The following DRC11 variants were observed in gnomAD, a reference collection of about 807,000 sequenced individuals.
DRC11 encodes the protein IQ and AAA domain-containing protein 1.
chr2:236,389,953 G>A, the DRC11 span, among the ~76,000 whole-genome samples: 1 of 152,184 alleles, frequency 6.6e-6, no homozygotes. Flanking sequence ...AGAAGAATGT[G>A]TATTCTGGTG....
At chr2:236,352,921 T>TG in the DRC11 span, among the ~76,000 whole-genome samples, 3 of 152,178 alleles carry the variant, frequency 2.0e-5, no homozygotes, top group African/African-American at 7.2e-5. This position sits in a 1 kb window ranked among gnomAD's most constrained non-coding sequence, Gnocchi z 7.0. Flanking sequence ...TGGAGGGGCC[T>TG]GGACATTCTG....
the DRC11 span, among the ~76,000 whole-genome samples, chr2:236,485,446 T>C: frequency 5.3e-4 from 80 of 152,256 alleles, no homozygotes; most frequent in African/African-American, 1.9e-3. Flanking sequence ...GGGCACTGGA[T>C]GGGGGTATCA....
the DRC11 span, among the ~76,000 whole-genome samples, chr2:236,502,548 C>CAAAAAAAAAAAAA: frequency 3.2e-3 from 49 of 15,084 alleles, 3 homozygotes; most frequent in African/African-American, 5.3e-3. Flanking sequence ...TGCACTCCAG[C>CAAAAAAAAAAAAA]AAAAAAAAAA....
chr2:236,338,014 A>G, the DRC11 span, among the ~76,000 whole-genome samples: 1 of 152,256 alleles, frequency 6.6e-6, no homozygotes, highest in Non-Finnish European at 1.5e-5. Context: ...TGCTAAGAAC[A>G]GAACGTGACC....
chr2:236,358,385 G>GA, the DRC11 span, among the ~76,000 whole-genome samples: 1 of 128,076 alleles, frequency 7.8e-6, no homozygotes, highest in African/African-American at 2.9e-5. Flanking sequence ...ATATATTTAT[G>GA]ATATATGAAT....
the DRC11 span, among the ~76,000 whole-genome samples, chr2:236,428,005 G>A: frequency 5.1e-4 from 78 of 152,080 alleles, no homozygotes; most frequent in Non-Finnish European, 9.4e-4. Context: ...GGTTGTTTAG[G>A]AGCATGTTGT....
chr2:236,416,755 A>ATATATT, the DRC11 span, among the ~76,000 whole-genome samples: 1 of 81,982 alleles, frequency 1.2e-5, no homozygotes, highest in Non-Finnish European at 2.5e-5. Flanking sequence ...ATATATATAT[A>ATATATT]TATATATATA....
chr2:236,342,759 G>A, the DRC11 span, among the ~76,000 whole-genome samples: 17 of 152,320 alleles, frequency 1.1e-4, no homozygotes, highest in Middle Eastern at 3.4e-3. The surrounding 1 kb of genome is among the most constrained non-coding windows in gnomAD (Gnocchi z 5.8). Context: ...CATGCCTCTT[G>A]CAGCTCTGAG....
At chr2:236,356,911 A>ATT in the DRC11 span, among the ~76,000 whole-genome samples, 2 of 82,864 alleles carry the variant, frequency 2.4e-5, no homozygotes, top group Non-Finnish European at 4.5e-5. Context: ...ATATTTATAT[A>ATT]TTATATATAT....
At chr2:236,394,621 GA>G in the DRC11 span, among the ~76,000 whole-genome samples, 3,315 of 137,506 alleles carry the variant, frequency 0.024, 116 homozygotes, top group East Asian at 0.16. This position sits in a 1 kb window ranked among gnomAD's most constrained non-coding sequence, Gnocchi z 7.0. Context: ...GTCTCAAAAA[GA>G]AAAAAAAAAA....
the DRC11 span, chr2:236,324,040 A>G: frequency 6.6e-6 from 1 of 152,332 alleles, no homozygotes; most frequent in African/African-American, 2.4e-5. The surrounding 1 kb of genome is among the most constrained non-coding windows in gnomAD (Gnocchi z 5.7). Flanking sequence ...CCAGGCTTCA[A>G]TATTAGCAGT....
the DRC11 span, among the ~76,000 whole-genome samples, chr2:236,488,884 A>G: frequency 2.0e-5 from 3 of 152,088 alleles, no homozygotes; most frequent in Non-Finnish European, 4.4e-5. Flanking sequence ...GGACAAGAAC[A>G]AAGGGCTCCG....
chr2:236,432,813 G>A, the DRC11 span, among the ~76,000 whole-genome samples: 1 of 151,962 alleles, frequency 6.6e-6, no homozygotes, highest in Admixed American at 6.6e-5. Flanking sequence ...TTCTGGGTTT[G>A]TATCATAATT....
the DRC11 span, among the ~76,000 whole-genome samples, chr2:236,341,728 C>G: frequency 2.0e-5 from 3 of 152,208 alleles, no homozygotes; most frequent in Non-Finnish European, 4.4e-5. Context: ...GTTTCCCCCC[C>G]ATGTCTTCCA....
At chr2:236,472,772 CTCACTGGTTAAGTATG>C in the DRC11 span, among the ~76,000 whole-genome samples, 6 of 152,294 alleles carry the variant, frequency 3.9e-5, no homozygotes, top group Admixed American at 2.0e-4. This position sits in a 1 kb window ranked among gnomAD's most constrained non-coding sequence, Gnocchi z 4.6. Context: ...GAAACTGAGG[CTCACTGGTTAAGTATG>C]TCACTCAAAA....
chr2:236,445,589 C>T, the DRC11 span, among the ~76,000 whole-genome samples: 1 of 152,070 alleles, frequency 6.6e-6, no homozygotes, highest in South Asian at 2.1e-4. The surrounding 1 kb of genome is among the most constrained non-coding windows in gnomAD (Gnocchi z 4.8). Context: ...ATCCGCCTAC[C>T]CCAGCCTCCC....
At chr2:236,338,537 C>T in the DRC11 span, among the ~76,000 whole-genome samples, 5 of 152,230 alleles carry the variant, frequency 3.3e-5, no homozygotes, top group African/African-American at 9.7e-5. Flanking sequence ...GGATGGGTCT[C>T]GGAATGTGCT....
chr2:236,397,490 T>G, the DRC11 span, among the ~76,000 whole-genome samples: 1 of 152,082 alleles, frequency 6.6e-6, no homozygotes, highest in African/African-American at 2.4e-5. This position sits in a 1 kb window ranked among gnomAD's most constrained non-coding sequence, Gnocchi z 5.0. Flanking sequence ...AGGCAAGAAG[T>G]CAGCAAAGGC....
chr2:236,336,812 C>A, the DRC11 span, among the ~76,000 whole-genome samples: 6 of 152,204 alleles, frequency 3.9e-5, no homozygotes. The surrounding 1 kb of genome is among the most constrained non-coding windows in gnomAD (Gnocchi z 7.3). Context: ...CCGCCACGAG[C>A]CACCCCTGTG....
Sources: allele counts gnomAD v4.1 joint callset (sites outside exome capture counted in the v4.1 genomes callset), GRCh38; gene constraint gnomAD v4.1.1; non-coding constraint Gnocchi (gnomAD v3.1); transcripts MANE v1.5; gene names NCBI Gene and HGNC (gene_info 2026-07-23, HGNC 2026-07-21).